The following RBP2 variants were observed in gnomAD, a reference collection of about 807,000 sequenced individuals.
RBP2 encodes retinol binding protein 2.
A neutral mutation model predicts 17.0 loss-of-function variants in RBP2; 17 were observed. That is an observed-to-expected ratio of 1.00 (90% CI 0.68 to 1.50). The LOEUF (loss-of-function observed/expected upper bound fraction) is 1.50. RBP2 is among the 40% of genes most tolerant of loss of function. The pLI, the probability that RBP2 is intolerant of heterozygous loss-of-function variation, is 0.00. For synonymous variants in RBP2, 48 were observed against 57.1 expected, an observed-to-expected ratio of 0.84 and a Z score of 0.72; for missense variants, 158 against 168.2, an observed-to-expected ratio of 0.94 and a Z score of 0.33.
chr3:139,456,721 CT>C (rs1009352239), intron 2 of RBP2, among the ~76,000 whole-genome samples: 14 of 152,036 alleles, frequency 9.2e-5, no homozygotes, highest in African/African-American at 2.9e-4. Context: ...GAAAATGTTA[CT>C]TTTTACTTTT....
At chr3:139,467,088 CTCTGT>C (rs1933392220) in intron 1 of RBP2, among the ~76,000 whole-genome samples, 1 of 152,182 alleles carries the variant, frequency 6.6e-6, no homozygotes. Flanking sequence ...CATCTTCTTG[CTCTGT>C]GTTCTTCCCC....
chr3:139,467,623 A>C (rs1933408839), intron 1 of RBP2, among the ~76,000 whole-genome samples: 1 of 152,226 alleles, frequency 6.6e-6, no homozygotes, highest in Admixed American at 6.5e-5. Context: ...TTCAGTAAAA[A>C]TAATGGTAAA....
rs767769827 is a variant in RBP2, at chr3:139,476,412, G to A, written c.48C>T (p.Asn16=). Reference sequence around the variant, plus strand: ...CCAGGGCCTTCATGTAGCCCTCAAAGTTTTCATTACTCTCCATCTCCCAGG... The same window carrying A: ...CCAGGGCCTTCATGTAGCCCTCAAAATTTTCATTACTCTCCATCTCCCAGG... ...NGTWEMESNE[N]FEGYMKALDI... is the part of the protein sequence containing the mutation. The change falls in exon 1 of 4, where the codon AAC becomes AAT. Residue 16 remains asparagine (N), a synonymous_variant. Transcript: ENST00000232217. The A allele has an allele frequency of 6.2e-7, 1 of 1,613,942 alleles. No individual in the cohort carries two copies. The highest frequency in any genetic ancestry group is 1.1e-5 in the South Asian group (1 of 91,056).
rs1933292087 is a variant in RBP2, at chr3:139,464,382, CG to C, written c.74-2093del. ...CTGAGGCGGGAGAATCACTTGAACCCGGGAGGCGGAGGTTGCAGTAAGCCAA... is the reference window on the plus strand; with the variant it reads ...CTGAGGCGGGAGAATCACTTGAACCCGGAGGCGGAGGTTGCAGTAAGCCAA... On this transcript the variant is annotated intron_variant, in intron 1 of 3. Coordinates refer to ENST00000232217, the MANE Select transcript of RBP2 (RefSeq NM_004164.3). 3.9e-5 allele frequency among the ~76,000 whole-genome samples: 6 copies of C among 152,156 alleles called. No individual in the cohort carries two copies. In the South Asian group the frequency reaches 1.3e-3, roughly 32 times the overall value.
intron 1 of RBP2, among the ~76,000 whole-genome samples, chr3:139,469,158 G>T (rs557112917): frequency 1.3e-5 from 2 of 152,266 alleles, no homozygotes; most frequent in Admixed American, 6.5e-5. Context: ...GCTTTGATGG[G>T]CTTCAAATTT....
chr3:139,464,195 C>T (rs1191507705), intron 1 of RBP2, among the ~76,000 whole-genome samples: 2 of 152,282 alleles, frequency 1.3e-5, no homozygotes, highest in East Asian at 1.9e-4. Flanking sequence ...CCTGGTGGCT[C>T]ACGCCTGTAA....
intron 1 of RBP2, among the ~76,000 whole-genome samples, chr3:139,475,210 C>T (rs936810729): frequency 2.6e-5 from 4 of 150,956 alleles, no homozygotes; most frequent in African/African-American, 7.3e-5. Context: ...GTCCCAGCTA[C>T]TCTGGAGGCT....
intron 1 of RBP2, among the ~76,000 whole-genome samples, chr3:139,464,363 C>T (rs1036609291): frequency 9.9e-5 from 15 of 152,060 alleles, no homozygotes; most frequent in African/African-American, 2.2e-4. Context: ...GAGGCTGAGG[C>T]GGGAGAATCA....
At chr3:139,453,243 T>G (rs1943342503) in intron 3 of RBP2, 77 bp from the exon 4 acceptor site, 12 of 1,528,498 alleles carry the variant, frequency 7.9e-6, no homozygotes, top group Non-Finnish European at 1.1e-5. Context: ...CCTTGGTATC[T>G]GGGGGTGGGA....
intron 1 of RBP2, among the ~76,000 whole-genome samples, chr3:139,475,339 A>G (rs1346832188): frequency 6.6e-6 from 1 of 151,242 alleles, no homozygotes; most frequent in Non-Finnish European, 1.5e-5. Context: ...AAAAAAAAAA[A>G]AAAAAAAAAG....
At chr3:139,469,231 C>T (rs1198286421) in intron 1 of RBP2, among the ~76,000 whole-genome samples, 1 of 152,126 alleles carries the variant, frequency 6.6e-6, no homozygotes, top group African/African-American at 2.4e-5. Flanking sequence ...AGTGTAAGAA[C>T]AATTTTCTCC....
Position 139,462,160 on chromosome 3 carries a change from T to C in RBP2, c.204A>G (p.Gly68=). ...TCTTTGTGTACTCGTCAAACTCTACTCCAACAGTGAAATCCACATCATAGT... is the reference window on the plus strand; with the variant it reads ...TCTTTGTGTACTCGTCAAACTCTACCCCAACAGTGAAATCCACATCATAGT... ...FRNYDVDFTV[G]VEFDEYTKSL... The change falls in exon 2 of 4, where the codon GGA becomes GGG. Residue 68 remains glycine, a synonymous_variant. Coordinates refer to ENST00000232217, the MANE Select transcript of RBP2 (RefSeq NM_004164.3). 6.2e-7 allele frequency: 1 copy of C among 1,614,130 alleles called. No homozygotes were observed.
intron 2 of RBP2, among the ~76,000 whole-genome samples, chr3:139,456,048 G>A (rs771740535): frequency 2.0e-5 from 3 of 152,128 alleles, no homozygotes; most frequent in Admixed American, 6.5e-5. Flanking sequence ...CAAATTAGGC[G>A]TGCCCTTCCT....
chr3:139,455,207 CAT>C (rs2107864873), intron 2 of RBP2, among the ~76,000 whole-genome samples: 1 of 152,218 alleles, frequency 6.6e-6, no homozygotes, highest in East Asian at 1.9e-4. Context: ...AAAATGATAA[CAT>C]ATCAGCAAAG....
chr3:139,467,280 G>A (rs1298557125), intron 1 of RBP2, among the ~76,000 whole-genome samples: 1 of 152,080 alleles, frequency 6.6e-6, no homozygotes, highest in Non-Finnish European at 1.5e-5. Flanking sequence ...TCTGTGCCAC[G>A]GCACTCCAGG....
intron 1 of RBP2, among the ~76,000 whole-genome samples, chr3:139,469,322 C>T (rs1933469959): frequency 6.6e-6 from 1 of 152,206 alleles, no homozygotes; most frequent in South Asian, 2.1e-4. Context: ...CCTCCTCTCA[C>T]TTCCTTCTAG....
At position 139,462,210 on chromosome 3, in the gene RBP2, T is replaced by C. The variant is rs200751839; in HGVS notation, c.154A>G (p.Thr52Ala). The C allele has an allele frequency of 3.2e-5, 52 of 1,614,052 alleles. No individual in the cohort carries two copies. The highest frequency in any genetic ancestry group is 3.3e-4 in the Middle Eastern group (2 of 6,084). Residue 52 changes from threonine (T) to alanine (A), a missense_variant, in exon 2 of 4, where the codon ACA becomes GCA. Transcript: ENST00000232217. ...TTGCGGAATGTGCTAGTGGTTTTTG[T>C]CTTGAAGTTATCACCATCTTGATCA... ...VIDQDGDNFK[T>A]KTTSTFRNYD...
At chr3:139,472,913 C>T (rs1933612626) in intron 1 of RBP2, among the ~76,000 whole-genome samples, 1 of 152,228 alleles carries the variant, frequency 6.6e-6, no homozygotes, top group Non-Finnish European at 1.5e-5. Context: ...ATCCACAGCA[C>T]CTTCTAAAGC....
chr3:139,473,776 A>T (rs1933639547), intron 1 of RBP2, among the ~76,000 whole-genome samples: 1 of 152,024 alleles, frequency 6.6e-6, no homozygotes, highest in African/African-American at 2.4e-5. Context: ...TGCCTGCCCC[A>T]CCCATGTTCC....
Sources: allele counts gnomAD v4.1 joint callset (sites outside exome capture counted in the v4.1 genomes callset), GRCh38; gene constraint gnomAD v4.1.1; transcripts MANE v1.5; gene names NCBI Gene and HGNC (gene_info 2026-07-23, HGNC 2026-07-21).